Variants in CCSER1 observed in about 807,000 individuals in gnomAD.
CCSER1 encodes the protein coiled-coil serine rich protein 1, also known as serine-rich coiled-coil domain-containing protein 1.
A neutral mutation model predicts 82.0 loss-of-function variants in CCSER1; 41 were observed. That is an observed-to-expected ratio of 0.50 (90% CI 0.39 to 0.65). The LOEUF (loss-of-function observed/expected upper bound fraction) is 0.65. Ranked by LOEUF, CCSER1 falls within the 30% of genes least tolerant of loss-of-function variation. The probability of loss-of-function intolerance (pLI) is 0.00; values close to 1 mark genes in which losing one functional copy is unlikely to be tolerated. For missense variants in CCSER1, 1,119 were observed against 1,064.2 expected (o/e 1.05, Z -0.72); for synonymous variants, 414 against 383.9 (o/e 1.08, Z -0.92).
chr4:90,547,746 G>A (rs986832757), intron 5 of CCSER1, among the ~76,000 whole-genome samples: 3 of 152,056 alleles, frequency 2.0e-5, no homozygotes, highest in African/African-American at 7.2e-5. Context: ...CTTCGAAAAT[G>A]ATTTCAAATT....
At chr4:91,313,819 G>A (rs936421964) in intron 10 of CCSER1, among the ~76,000 whole-genome samples, 1 of 151,922 alleles carries the variant, frequency 6.6e-6, no homozygotes, top group Admixed American at 6.6e-5. Flanking sequence ...GTTCTGCCAG[G>A]CTGGATAAAG....
At chr4:91,376,810 A>G (rs1366038914) in intron 10 of CCSER1, among the ~76,000 whole-genome samples, 1 of 152,156 alleles carries the variant, frequency 6.6e-6, no homozygotes, top group Admixed American at 6.6e-5. Context: ...CACAATGTGC[A>G]GGTTTGTTAC....
At chr4:91,390,490 G>A (rs1751579654) in intron 10 of CCSER1, among the ~76,000 whole-genome samples, 1 of 151,874 alleles carries the variant, frequency 6.6e-6, no homozygotes, top group African/African-American at 2.4e-5. Flanking sequence ...GTATCACTCT[G>A]TGGTTTTAGT....
intron 10 of CCSER1, chr4:91,319,738 AAGC>A: frequency 2.2e-6 from 1 of 455,604 alleles, no homozygotes; most frequent in South Asian, 1.5e-5. Context: ...TGGGAGGCAG[AAGC>A]ACCATTTGTT....
intron 10 of CCSER1, among the ~76,000 whole-genome samples, chr4:91,570,502 C>T (rs565259189): frequency 2.6e-5 from 4 of 152,330 alleles, no homozygotes; most frequent in African/African-American, 9.6e-5. Flanking sequence ...GTTCCCAAAC[C>T]TCAGTTCTTG....
chr4:90,613,081 C>A (rs973333277), intron 5 of CCSER1, among the ~76,000 whole-genome samples: 5 of 152,066 alleles, frequency 3.3e-5, no homozygotes, highest in Non-Finnish European at 7.4e-5. Flanking sequence ...ACTGGAAGAA[C>A]CTTGTACTAC....
At chr4:90,838,816 A>C (rs1762161796) in intron 8 of CCSER1, 7 of 1,545,396 alleles carry the variant, frequency 4.5e-6, no homozygotes, top group South Asian at 3.4e-5. Context: ...ACCTCTTTGC[A>C]TCTTACAAAG....
chr4:90,460,324 C>CA (rs751331396), intron 4 of CCSER1, among the ~76,000 whole-genome samples: 3,940 of 32,008 alleles, frequency 0.12, 552 homozygotes, highest in African/African-American at 0.31. Context: ...AACTCCGTCT[C>CA]AAAAAAAAAA....
rs114118045 is a variant in CCSER1, at chr4:90,226,499, A to T, written c.-41-81745A>T. On this transcript the variant is annotated intron_variant, in intron 1 of 10. Transcript: ENST00000509176. The stretch of plus-strand genomic sequence containing the variant: ...GGGTGTTAAAATTAGACAAGTGAAG[A>T]TGCAGTTGGTATAAGAAAATTCATA... 8.3e-3 allele frequency among the ~76,000 whole-genome samples: 1,267 copies of T among 152,344 alleles called. 19 individuals are homozygous for T. The highest frequency in any genetic ancestry group is 0.029 in the African/African-American group (1,216 of 41,576).
At chr4:90,257,708 T>C (rs28656013) in intron 1 of CCSER1, among the ~76,000 whole-genome samples, 7,884 of 152,226 alleles carry the variant, frequency 0.052, 548 homozygotes, top group African/African-American at 0.16. Context: ...CAAGATTTGC[T>C]GTTGGCTGTC....
chr4:90,271,862 A>ATATATATATATATT (rs1553982816), intron 1 of CCSER1, among the ~76,000 whole-genome samples: 3 of 21,752 alleles, frequency 1.4e-4, no homozygotes, highest in African/African-American at 7.7e-4. Flanking sequence ...ATATATATAT[A>ATATATATATATATT]TTTTTTTTTT....
At chr4:91,591,404 T>A (rs905159221) in intron 10 of CCSER1, among the ~76,000 whole-genome samples, 3 of 152,074 alleles carry the variant, frequency 2.0e-5, no homozygotes, top group Non-Finnish European at 2.9e-5. Flanking sequence ...TTGTAATTAA[T>A]TAAATTAATA....
intron 10 of CCSER1, among the ~76,000 whole-genome samples, chr4:91,516,275 T>C (rs188172159): frequency 2.6e-3 from 403 of 152,314 alleles, no homozygotes; most frequent in South Asian, 5.6e-3. Flanking sequence ...TGTCATGAAA[T>C]CATTGCCAGT....
At chr4:91,126,874 G>A (rs182160294) in intron 10 of CCSER1, among the ~76,000 whole-genome samples, 44 of 151,664 alleles carry the variant, frequency 2.9e-4, no homozygotes, top group African/African-American at 9.4e-4. Flanking sequence ...AATAAACCTG[G>A]GATTGAAGAT....
intron 9 of CCSER1, among the ~76,000 whole-genome samples, chr4:90,993,403 C>T (rs931774491): frequency 6.6e-6 from 1 of 151,834 alleles, no homozygotes; most frequent in African/African-American, 2.4e-5. Context: ...TAATGGATAA[C>T]TAATGATCTA....
chr4:90,186,475 A>G (rs1419984982), intron 1 of CCSER1, among the ~76,000 whole-genome samples: 1 of 152,000 alleles, frequency 6.6e-6, no homozygotes, highest in Non-Finnish European at 1.5e-5. Context: ...CCTTAAAGAG[A>G]GAAAAGGTGT....
intron 9 of CCSER1, among the ~76,000 whole-genome samples, chr4:90,988,543 C>T (rs923248458): frequency 2.0e-5 from 3 of 151,496 alleles, no homozygotes; most frequent in Non-Finnish European, 4.4e-5. Context: ...TGGTGCTAAT[C>T]ATCATGTTTT....
At chr4:90,988,334 CAAAAAAAAAAAAAAAAAA>C (rs60408059) in intron 9 of CCSER1, among the ~76,000 whole-genome samples, 1 of 75,368 alleles carries the variant, frequency 1.3e-5, no homozygotes, top group Non-Finnish European at 2.4e-5. Context: ...TATCTTGTCT[CAAAAAAAAAAAAAAAAAA>C]AAAAAAAAAA....
chr4:91,560,648 C>T (rs1762612724), intron 10 of CCSER1, among the ~76,000 whole-genome samples: 2 of 151,400 alleles, frequency 1.3e-5, no homozygotes, highest in South Asian at 4.1e-4. Context: ...AAAGAGCACC[C>T]ATCAGTATAT....
Sources: gnomAD v4.1 joint callset for allele counts (sites outside exome capture counted in the v4.1 genomes callset) on GRCh38, gnomAD v4.1.1 for gene constraint, MANE v1.5 for transcripts, NCBI Gene and HGNC (gene_info 2026-07-23, HGNC 2026-07-21) for gene names.